RBPMS: variants seen among roughly 807,000 people sequenced by gnomAD.
RBPMS encodes RNA-binding protein with multiple splicing.
RBPMS carries 7 observed loss-of-function variants against 26.8 expected under a neutral mutation model. The ratio of observed to expected loss-of-function variants is 0.26; its 90% CI spans 0.15 to 0.49. The LOEUF is 0.49. RBPMS is among the 20% of genes least tolerant of loss of function. RBPMS has a pLI of 0.98. For missense variants in RBPMS, 186 were observed against 250.0 expected, an observed-to-expected ratio of 0.74 and a Z score of 1.73; for synonymous variants, 96 against 93.3, an observed-to-expected ratio of 1.03 and a Z score of -0.17.
intron 1 of RBPMS, chr8:30,444,795 T>C (rs970013380): frequency 6.6e-6 from 1 of 152,224 alleles, no homozygotes; most frequent in Admixed American, 6.5e-5. Context: ...GTTTCAGATA[T>C]CTATTTCAAA....
chr8:30,438,157 C>T (rs1165541015), intron 1 of RBPMS, among the ~76,000 whole-genome samples: 1 of 152,110 alleles, frequency 6.6e-6, no homozygotes, highest in Non-Finnish European at 1.5e-5. Context: ...AGTCTCATGC[C>T]TGTAATCCCA....
chr8:30,461,539 C>T (rs1439310707), intron 1 of RBPMS, among the ~76,000 whole-genome samples: 1 of 152,168 alleles, frequency 6.6e-6, no homozygotes, highest in East Asian at 1.9e-4. Context: ...GAACTACAGG[C>T]GCGTGCCACC....
intron 1 of RBPMS, among the ~76,000 whole-genome samples, chr8:30,424,048 G>A (rs1384687871): frequency 2.0e-5 from 3 of 152,114 alleles, no homozygotes; most frequent in African/African-American, 7.2e-5. Flanking sequence ...ATGTTGGCCA[G>A]GCTGGTCTCT....
At chr8:30,554,033 C>G (rs982878875) in intron 6 of RBPMS, among the ~76,000 whole-genome samples, 1 of 152,220 alleles carries the variant, frequency 6.6e-6, no homozygotes, top group Non-Finnish European at 1.5e-5. Context: ...GCCTCAGCCT[C>G]CCGAAGTGCT....
chr8:30,485,981 G>A (rs1818725055), intron 4 of RBPMS, among the ~76,000 whole-genome samples: 1 of 152,208 alleles, frequency 6.6e-6, no homozygotes, highest in Admixed American at 6.5e-5. Flanking sequence ...TTCAGTCTTT[G>A]CCTGAAGAAG....
chr8:30,455,437 A>C (rs996822643), intron 1 of RBPMS, among the ~76,000 whole-genome samples: 1 of 151,664 alleles, frequency 6.6e-6, no homozygotes, highest in African/African-American at 2.4e-5. Flanking sequence ...GAAACAATTA[A>C]AAAAAAAGTA....
In RBPMS at chr8:30,556,614, T is replaced by G. The variant is rs958643840; in HGVS notation, c.529-2273T>G. On this transcript the variant is annotated intron_variant, in intron 6 of 8. Coordinates refer to ENST00000397323, the MANE Select transcript of RBPMS (RefSeq NM_001008710.3). ...CCAGTCACACCACTGCGCTCCACAC[T>G]GACCCAGTGCACACAGACCCATCAC... The G allele has an allele frequency of 5.1e-6, 5 of 986,220 alleles. No homozygotes were observed. In the African/African-American group the frequency reaches 7.0e-5, roughly 14 times the overall value. 61.1% of individuals were successfully genotyped at this position (986,220 alleles called of 1,614,324 possible).
At chr8:30,562,877 T>C (rs1827614915) in intron 7 of RBPMS, among the ~76,000 whole-genome samples, 1 of 152,186 alleles carries the variant, frequency 6.6e-6, no homozygotes, top group South Asian at 2.1e-4. Flanking sequence ...TTTTCATTTA[T>C]CTACTTGGAC....
chr8:30,507,297 G>A (rs1463548947), intron 5 of RBPMS, among the ~76,000 whole-genome samples: 3 of 152,130 alleles, frequency 2.0e-5, no homozygotes, highest in Non-Finnish European at 4.4e-5. Flanking sequence ...CTGTAAAATA[G>A]GAATAATACT....
At chr8:30,410,963 C>G (rs1809321597) in intron 1 of RBPMS, among the ~76,000 whole-genome samples, 1 of 152,068 alleles carries the variant, frequency 6.6e-6, no homozygotes, top group African/African-American at 2.4e-5. Context: ...TGGTCTTTAA[C>G]TCGTGGGCTC....
chr8:30,567,610 T>C (rs1352340025), intron 8 of RBPMS, among the ~76,000 whole-genome samples: 2 of 151,370 alleles, frequency 1.3e-5, no homozygotes, highest in East Asian at 3.9e-4. Context: ...TTTTTCCACT[T>C]ATGCAATTTT....
chr8:30,452,561 G>T (rs756366097), intron 1 of RBPMS, among the ~76,000 whole-genome samples: 2 of 152,286 alleles, frequency 1.3e-5, no homozygotes, highest in Middle Eastern at 6.8e-3. Context: ...AATACTGCTA[G>T]TGAGTGCATA....
chr8:30,502,413 G>A (rs377728041), intron 4 of RBPMS, among the ~76,000 whole-genome samples: 8 of 152,282 alleles, frequency 5.3e-5, no homozygotes, highest in African/African-American at 1.9e-4. Context: ...AGATGCTCTA[G>A]ACCACAACTA....
At chr8:30,449,753 C>G (rs1814323994) in intron 1 of RBPMS, among the ~76,000 whole-genome samples, 1 of 152,336 alleles carries the variant, frequency 6.6e-6, no homozygotes, top group East Asian at 1.9e-4. Context: ...CAGGGTGATT[C>G]ACTGGAGGTG....
chr8:30,463,122 T>G (rs1355515598), intron 1 of RBPMS, among the ~76,000 whole-genome samples: 1 of 152,192 alleles, frequency 6.6e-6, no homozygotes, highest in East Asian at 1.9e-4. Context: ...ATGCATCTTT[T>G]TTGTGAACAT....
chr8:30,548,548 A>C (rs887214202), intron 6 of RBPMS, among the ~76,000 whole-genome samples: 8 of 152,218 alleles, frequency 5.3e-5, no homozygotes, highest in African/African-American at 1.7e-4. Context: ...CCTGGACATA[A>C]ACCAAAGGTT....
At chr8:30,556,087 G>A (rs1826879531) in intron 6 of RBPMS, 1 of 985,304 alleles carries the variant, frequency 1.0e-6, no homozygotes. Flanking sequence ...GTGGGTGTCT[G>A]TGGATGCGGT....
intron 1 of RBPMS, among the ~76,000 whole-genome samples, chr8:30,421,304 G>T (rs924821742): frequency 1.3e-5 from 2 of 152,154 alleles, no homozygotes; most frequent in African/African-American, 2.4e-5. Flanking sequence ...CTGGCACTAA[G>T]AAATTATCAC....
In RBPMS at chr8:30,417,101, C is replaced by T. The variant is rs1810175086; in HGVS notation, c.66+31943C>T. ...TTGTTTTTTGTTGGGGGAGTTTGTT[C>T]TTCTAAGAGACAGATGGACCTTTTT... On this transcript the variant is annotated intron_variant, in intron 1 of 8. Coordinates refer to ENST00000397323, the MANE Select transcript of RBPMS (RefSeq NM_001008710.3). 2.0e-5 allele frequency among the ~76,000 whole-genome samples: 3 copies of T among 152,116 alleles called. No homozygotes were observed. In the South Asian group the frequency reaches 6.2e-4, roughly 32 times the overall value.
Sources: gnomAD v4.1 joint callset for allele counts (sites outside exome capture counted in the v4.1 genomes callset) on GRCh38, gnomAD v4.1.1 for gene constraint, MANE v1.5 for transcripts, NCBI Gene and HGNC (gene_info 2026-07-23, HGNC 2026-07-21) for gene names.